Variants in TJP3 observed in about 807,000 individuals in gnomAD.
TJP3 encodes tight junction protein 3.
Under a neutral mutation model 104.2 loss-of-function variants are expected in TJP3, and 85 were observed. The observed-to-expected ratio is 0.82, with a 90% confidence interval of 0.68 to 0.98. TJP3 has a LOEUF of 0.98. TJP3 is among the 50% of genes least tolerant of loss of function. The probability of loss-of-function intolerance (pLI) is 0.00; values close to 1 mark genes in which losing one functional copy is unlikely to be tolerated. For missense variants in TJP3, 1,367 were observed against 1,322.8 expected (o/e 1.03, Z -0.52); for synonymous variants, 550 against 550.6 (o/e 1.00, Z 0.02).
chr19:3,724,258 C>T (rs2036574392), intron 1 of TJP3, among the ~76,000 whole-genome samples: 1 of 151,430 alleles, frequency 6.6e-6, no homozygotes, highest in Non-Finnish European at 1.5e-5. Context: ...TGCAGTGGCA[C>T]AATCTTGGCT....
chr19:3,750,602 T>C lies in TJP3; in HGVS notation c.2678T>C (p.Leu893Pro). 6.2e-7 allele frequency: 1 copy of C among 1,608,008 alleles called. No individual in the cohort carries two copies. The highest frequency in any genetic ancestry group is 8.5e-7 in the Non-Finnish European group (1 of 1,177,264). Residue 893 changes from leucine (L) to proline (P), a missense_variant, in exon 21 of 21, where the codon CTG becomes CCG. By Grantham distance (98) the Leu-to-Pro change is moderately conservative. Coordinates refer to ENST00000541714, the MANE Select transcript of TJP3 (RefSeq NM_001267560.2). ...DSMRTYEREA[L>P]KKKFMRVHDA... is the part of the protein sequence containing the mutation. The stretch of plus-strand genomic sequence containing the variant: ...CCCAGAACCTATGAACGGGAAGCCC[T>C]GAAGAAAAAGTTTATGCGAGTACAT...
In TJP3 at chr19:3,746,408, C is replaced by G; in HGVS notation, c.2011-77C>G. ...CTGGGGTCCACTCTGACCTCAGACT[C>G]TTCATCTTTCTATCTTTCTCTCTCT... is the stretch of plus-strand genomic sequence containing the variant. On this transcript the variant is annotated intron_variant, in intron 16 of 20. Coordinates refer to ENST00000541714, the MANE Select transcript of TJP3 (RefSeq NM_001267560.2). This position sits in a 1 kb window ranked among gnomAD's most constrained non-coding sequence, Gnocchi z 4.1. The G allele has an allele frequency of 2.0e-6, 3 of 1,509,800 alleles. No individual in the cohort carries two copies. Among genetic ancestry groups the G allele is most frequent in the Non-Finnish European group, 2.7e-6 (3 of 1,100,314 alleles). The allele number at this position is 1,509,800 out of a possible 1,614,324, so 93.5% of individuals were successfully genotyped here.
intron 1 of TJP3, among the ~76,000 whole-genome samples, chr19:3,718,116 G>C (rs1228558721): frequency 2.0e-5 from 3 of 146,904 alleles, no homozygotes; most frequent in African/African-American, 7.5e-5. Flanking sequence ...TGAGGCAGGA[G>C]AATGGCGTGA....
At chr19:3,711,917 C>T (rs11085031) in intron 1 of TJP3, among the ~76,000 whole-genome samples, 103,059 of 151,412 alleles carry the variant, frequency 0.68, 35,808 homozygotes, top group East Asian at 1. Flanking sequence ...AGCTTCTGGG[C>T]TCAAGTGATC....
intron 1 of TJP3, among the ~76,000 whole-genome samples, chr19:3,723,805 A>AT (rs1568379952): frequency 1.4e-4 from 13 of 91,084 alleles, no homozygotes; most frequent in East Asian, 6.4e-4. Context: ...AAGAAAAAAA[A>AT]AAAATATATA....
intron 12 of TJP3, 100 bp downstream of exon 12, chr19:3,738,763 C>A: frequency 7.5e-7 from 1 of 1,325,702 alleles, no homozygotes; most frequent in Non-Finnish European, 1.1e-6. Flanking sequence ...ATCTGCATCT[C>A]TGCACCCTCC....
chr19:3,740,463 C>T, intron 13 of TJP3, 89 bp from the exon 14 acceptor site: 1 of 795,316 alleles, frequency 1.3e-6, no homozygotes, highest in East Asian at 3.2e-5. Context: ...AGTGGCCTGT[C>T]CACAGGCTCC....
In TJP3 at chr19:3,730,553, CG is replaced by C; in HGVS notation, c.464del (p.Gly155AlafsTer36). 1.2e-6 allele frequency: 2 copies of C among 1,603,682 alleles called. No individual in the cohort carries two copies. ...CTCCCGCCGGCCGAGGCCTGGTCGC[CG>C]GGGCCGGGCCGGCAGCCATGGGCGT... The part of the protein sequence containing the change: ...ERSRRPRPGR[R>X]GRAGSHGRRS... On this transcript the variant is annotated frameshift_variant, in exon 5 of 21. Coordinates refer to ENST00000541714, the MANE Select transcript of TJP3 (RefSeq NM_001267560.2). LOFTEE classifies it high-confidence loss of function. The surrounding 1 kb of genome is among the most constrained non-coding windows in gnomAD (Gnocchi z 7.3).
At chr19:3,737,368 G>A (rs184071753) in intron 11 of TJP3, among the ~76,000 whole-genome samples, 26 of 152,112 alleles carry the variant, frequency 1.7e-4, no homozygotes, top group African/African-American at 5.1e-4. Flanking sequence ...TGTCATGACC[G>A]TCTTGTATGT....
chr19:3,749,251 G>A (rs1412891858), intron 19 of TJP3, among the ~76,000 whole-genome samples: 1 of 152,158 alleles, frequency 6.6e-6, no homozygotes, highest in East Asian at 1.9e-4. Context: ...GTGGCACAGG[G>A]CGGTGGTGAG....
chr19:3,748,769 T>G (rs2036943746), intron 19 of TJP3, among the ~76,000 whole-genome samples: 1 of 149,268 alleles, frequency 6.7e-6, no homozygotes, highest in Non-Finnish European at 1.5e-5. Flanking sequence ...GGTTTCTCCA[T>G]GTTGGTCAGG....
intron 1 of TJP3, among the ~76,000 whole-genome samples, chr19:3,711,748 A>AAAAAAAAAAAAAAAG (rs377487730): frequency 7.8e-6 from 1 of 128,164 alleles, no homozygotes; most frequent in Non-Finnish European, 1.6e-5. Flanking sequence ...AAAAAAAAAA[A>AAAAAAAAAAAAAAAG]AAAGGTGCTT....
chr19:3,722,851 G>T (rs1357257003), intron 1 of TJP3, among the ~76,000 whole-genome samples: 1 of 123,968 alleles, frequency 8.1e-6, no homozygotes, highest in Non-Finnish European at 1.7e-5. Flanking sequence ...CTGGAGATGG[G>T]GTGGCGGGGG....
intron 14 of TJP3, among the ~76,000 whole-genome samples, chr19:3,741,995 T>C (rs1412642132): frequency 6.6e-6 from 1 of 151,540 alleles, no homozygotes; most frequent in Non-Finnish European, 1.5e-5. Context: ...AACAAAAAAA[T>C]TTTGGGTTAT....
chr19:3,738,993 C>T lies in TJP3; in HGVS notation c.1490C>T (p.Thr497Ile), dbSNP rs1354357433. The T allele has an allele frequency of 6.2e-7, 1 of 1,613,234 alleles. No homozygotes were observed. The highest frequency in any genetic ancestry group is 8.5e-7 in the Non-Finnish European group (1 of 1,179,864). The change falls in exon 13 of 21, where the codon ACC becomes ATC. Residue 497 changes from threonine to isoleucine, a missense_variant. Physicochemically the swap from Thr to Ile is moderately conservative, Grantham distance 89. Coordinates refer to ENST00000541714, the MANE Select transcript of TJP3 (RefSeq NM_001267560.2). Reference sequence around the variant, plus strand: ...AGTCCACCGTCTGGCCTGGGCTTCACCCGTGGCGACGTCTTCCACGTGCTG... The same window carrying T: ...AGTCCACCGTCTGGCCTGGGCTTCATCCGTGGCGACGTCTTCCACGTGCTG... Reference protein sequence around the residue: ...EPSPPSGLGFTRGDVFHVLDT... With the variant: ...EPSPPSGLGFIRGDVFHVLDT...
chr19:3,727,258 G>A (rs539666114), intron 1 of TJP3, among the ~76,000 whole-genome samples: 5 of 152,012 alleles, frequency 3.3e-5, no homozygotes, highest in Admixed American at 1.3e-4. Context: ...CCAAGGGGGT[G>A]GATCACAAGA....
chr19:3,748,848 C>CTTGTTT, intron 19 of TJP3, among the ~76,000 whole-genome samples: 1 of 48,840 alleles, frequency 2.0e-5, no homozygotes, highest in Non-Finnish European at 3.5e-5. Context: ...TGCACCCGGC[C>CTTGTTT]TTTTTTTTTT....
chr19:3,739,136 T>TGG lies in TJP3; in HGVS notation c.1631+5_1631+6dup. On this transcript the variant is annotated splice_region_variant and intron_variant, in intron 13 of 20. Transcript: ENST00000541714. ...GGGCATCATTCCCAACCAGAGCAGG[T>TGG]GGGGACTGTGTGCTCCTGCAGTGGG... 1.3e-6 allele frequency: 2 copies of TGG among 1,534,574 alleles called. No homozygotes were observed. Among genetic ancestry groups the TGG allele is most frequent in the South Asian group, 2.5e-5 (2 of 80,846 alleles).
intron 14 of TJP3, among the ~76,000 whole-genome samples, chr19:3,742,778 C>T (rs189683436): frequency 6.7e-6 from 1 of 148,314 alleles, no homozygotes; most frequent in Non-Finnish European, 1.5e-5. Flanking sequence ...CCAGCCTGGC[C>T]AACGTGGTGA....
Sources: allele counts gnomAD v4.1 joint callset (sites outside exome capture counted in the v4.1 genomes callset), GRCh38; gene constraint gnomAD v4.1.1; non-coding constraint Gnocchi (gnomAD v3.1); transcripts MANE v1.5; gene names NCBI Gene and HGNC (gene_info 2026-07-23, HGNC 2026-07-21).